The following CLVS2 variants were observed in gnomAD, a reference collection of about 807,000 sequenced individuals.
CLVS2 encodes clavesin 2.
Under a neutral mutation model 29.0 loss-of-function variants are expected in CLVS2, and 19 were observed. The observed-to-expected ratio is 0.66, with a 90% CI of 0.46 to 0.96. The LOEUF (loss-of-function observed/expected upper bound fraction) is 0.96, where lower values mean the gene tolerates loss of function less well. Ranked by LOEUF, CLVS2 falls within the 40% of genes least tolerant of loss-of-function variation. The probability of loss-of-function intolerance (pLI) is 0.00; values close to 1 mark genes in which losing one functional copy is unlikely to be tolerated. For missense variants in CLVS2, 294 were observed against 404.1 expected (o/e 0.73, Z 2.34); for synonymous variants, 161 against 151.3 (o/e 1.06, Z -0.47).
Position 123,065,023 on chromosome 6 carries a change from G to A in CLVS2, c.*1262G>A, listed in dbSNP as rs748308436. ...TTTCAAATTTAAGTTAATTATCTTC[G>A]TGATCCTATTTATCCACAATTTCTT... On this transcript the variant is annotated 3_prime_UTR_variant, in exon 6 of 6. Transcript: ENST00000275162. 2.0e-5 allele frequency: 3 copies of A among 151,650 alleles called. No homozygotes were observed. The highest frequency in any genetic ancestry group is 4.4e-5 in the Non-Finnish European group (3 of 67,800). 9.4% of individuals were successfully genotyped at this position (151,650 alleles called of 1,614,324 possible).
chr6:123,041,744 AATTAT>A (rs1464616817), intron 3 of CLVS2, among the ~76,000 whole-genome samples: 91 of 152,292 alleles, frequency 6.0e-4, no homozygotes, highest in African/African-American at 2.0e-3. Flanking sequence ...ATGTTGACAC[AATTAT>A]ATTCATGATG....
chr6:123,046,347 T>C (rs1772508712), intron 3 of CLVS2, among the ~76,000 whole-genome samples: 1 of 152,166 alleles, frequency 6.6e-6, no homozygotes, highest in Admixed American at 6.5e-5. Context: ...GACCTTCTTG[T>C]GATTCTCAAA....
chr6:122,999,658 A>T (rs1423813691), intron 2 of CLVS2, among the ~76,000 whole-genome samples: 1 of 152,222 alleles, frequency 6.6e-6, no homozygotes, highest in Non-Finnish European at 1.5e-5. Context: ...TGTGTATAAC[A>T]GAACTGAAAA....
chr6:123,054,915 C>A (rs534475351), intron 4 of CLVS2, among the ~76,000 whole-genome samples: 35 of 151,524 alleles, frequency 2.3e-4, no homozygotes, highest in Admixed American at 2.2e-3. Context: ...ATCTATTATA[C>A]CCATTGCTAC....
chr6:123,015,725 T>G (rs2114313550), intron 3 of CLVS2, among the ~76,000 whole-genome samples: 1 of 152,218 alleles, frequency 6.6e-6, no homozygotes, highest in Middle Eastern at 3.4e-3. Flanking sequence ...TGGACTTTTT[T>G]GACACCGCAT....
chr6:123,031,730 G>A (rs577626685), intron 3 of CLVS2, among the ~76,000 whole-genome samples: 3 of 151,898 alleles, frequency 2.0e-5, no homozygotes, highest in African/African-American at 7.2e-5. Context: ...AGATTGTCAG[G>A]GAGTAAAACT....
At chr6:123,046,788 T>C (rs1253020448) in intron 3 of CLVS2, among the ~76,000 whole-genome samples, 1 of 152,178 alleles carries the variant, frequency 6.6e-6, no homozygotes, top group Non-Finnish European at 1.5e-5. Context: ...TAAAGATCTT[T>C]TTGCCATAAA....
chr6:123,052,392 A>G (rs910872901), intron 4 of CLVS2, among the ~76,000 whole-genome samples: 1 of 152,224 alleles, frequency 6.6e-6, no homozygotes, highest in African/African-American at 2.4e-5. Flanking sequence ...CAAAGAAGTA[A>G]TTCTTATAGG....
At chr6:123,047,981 G>T (rs1428154618) in intron 3 of CLVS2, among the ~76,000 whole-genome samples, 1 of 152,226 alleles carries the variant, frequency 6.6e-6, no homozygotes, top group Non-Finnish European at 1.5e-5. Context: ...CTCCTGTGGA[G>T]TGAGATCAGA....
intron 3 of CLVS2, among the ~76,000 whole-genome samples, chr6:123,028,984 G>T (rs1775043957): frequency 6.6e-6 from 1 of 152,076 alleles, no homozygotes; most frequent in Admixed American, 6.6e-5. Flanking sequence ...AGCCCTCATG[G>T]TAAGATTAGT....
At chr6:123,048,165 T>A (rs1772544056) in intron 3 of CLVS2, among the ~76,000 whole-genome samples, 1 of 152,084 alleles carries the variant, frequency 6.6e-6, no homozygotes, top group Admixed American at 6.6e-5. Context: ...ATGAGTTTTG[T>A]GTCTGGCATT....
At chr6:123,006,679 GAGACACTAA>G (rs1045074195) in intron 2 of CLVS2, among the ~76,000 whole-genome samples, 1 of 152,162 alleles carries the variant, frequency 6.6e-6, no homozygotes, top group Non-Finnish European at 1.5e-5. Flanking sequence ...AGGAAAATGG[GAGACACTAA>G]ATTGAGTTAC....
intron 3 of CLVS2, among the ~76,000 whole-genome samples, chr6:123,032,759 G>T (rs1329826416): frequency 6.6e-6 from 1 of 152,028 alleles, no homozygotes; most frequent in Non-Finnish European, 1.5e-5. Context: ...GGTAAGTGGA[G>T]TAAGCAGTAG....
intron 3 of CLVS2, among the ~76,000 whole-genome samples, chr6:123,020,309 C>G (rs572447498): frequency 1.5e-4 from 23 of 152,158 alleles, no homozygotes; most frequent in African/African-American, 5.3e-4. Flanking sequence ...TTTCAACAAT[C>G]ATTTCCTTTG....
chr6:123,018,668 CTTT>C (rs5879660), intron 3 of CLVS2, among the ~76,000 whole-genome samples: 1,534 of 138,328 alleles, frequency 0.011, 17 homozygotes, highest in African/African-American at 0.021. Flanking sequence ...TTCTGAATAG[CTTT>C]TTTTTTTTTT....
chr6:123,028,142 T>C lies in CLVS2; in HGVS notation c.564+16983T>C, dbSNP rs574960310. On this transcript the variant is annotated intron_variant, in intron 3 of 5. Coordinates refer to ENST00000275162, the MANE Select transcript of CLVS2 (RefSeq NM_001010852.4). ...AAGTGCACATGAGTGAAAAACTGAG[T>C]ATTAAAATATCGGAGAGCATCTGAA... Among the ~76,000 whole-genome samples the C allele has an allele frequency of 7.9e-5, 12 of 152,310 alleles. No homozygotes were observed. In the East Asian group the frequency reaches 2.3e-3, roughly 29 times the overall value.
In CLVS2 at chr6:123,038,352, C is replaced by T. The variant is rs575376287; in HGVS notation, c.565-10270C>T. Among the ~76,000 whole-genome samples, 146 of 152,316 alleles carry T rather than the reference C, an allele frequency of 9.6e-4. 3 individuals carry two copies. The highest frequency in any genetic ancestry group is 3.5e-3 in the African/African-American group (144 of 41,582). ...TTCAAGGTAAATACTACTTCATTCA[C>T]ATTCGCCTTACATTTCCTATCCTTG... is the stretch of plus-strand genomic sequence containing the variant. On this transcript the variant is annotated intron_variant, in intron 3 of 5. Transcript: ENST00000275162.
chr6:123,043,577 T>C (rs1775265095), intron 3 of CLVS2, among the ~76,000 whole-genome samples: 1 of 152,170 alleles, frequency 6.6e-6, no homozygotes, highest in East Asian at 1.9e-4. Context: ...ATAAGTAAAT[T>C]ACGCATACGA....
chr6:123,046,398 G>A (rs781551926), intron 3 of CLVS2, among the ~76,000 whole-genome samples: 28 of 152,100 alleles, frequency 1.8e-4, no homozygotes, highest in Non-Finnish European at 3.5e-4. Context: ...AGTAGCTCAC[G>A]CCTGTAATCC....
Sources: allele counts gnomAD v4.1 joint callset (sites outside exome capture counted in the v4.1 genomes callset), GRCh38; gene constraint gnomAD v4.1.1; transcripts MANE v1.5; gene names NCBI Gene and HGNC (gene_info 2026-07-23, HGNC 2026-07-21).